SPTLC3: variants seen among roughly 807,000 people sequenced by gnomAD.
SPTLC3 encodes serine palmitoyltransferase 3.
In SPTLC3, 36 loss-of-function variants were observed where a neutral mutation model predicts 59.3. The ratio of observed to expected loss-of-function variants is 0.61; its 90% CI spans 0.47 to 0.80. The LOEUF is 0.80. Ranked by LOEUF, SPTLC3 falls within the 30% of genes least tolerant of loss-of-function variation. The pLI, the probability that SPTLC3 is intolerant of heterozygous loss-of-function variation, is 0.00. For synonymous variants in SPTLC3, 257 were observed against 240.8 expected (o/e 1.07, Z -0.62); for missense variants, 625 against 685.1 (o/e 0.91, Z 0.98).
intron 9 of SPTLC3, among the ~76,000 whole-genome samples, chr20:13,145,064 C>T (rs896824268): frequency 6.6e-6 from 1 of 151,962 alleles, no homozygotes; most frequent in South Asian, 2.1e-4. Flanking sequence ...TGTGAGCCAC[C>T]GCACCTGGCC....
chr20:13,137,927 C>T (rs1250408294), intron 9 of SPTLC3, among the ~76,000 whole-genome samples: 1 of 152,182 alleles, frequency 6.6e-6, no homozygotes, highest in Non-Finnish European at 1.5e-5. Context: ...TCAAGCTCAT[C>T]TCCCAGAACA....
At chr20:13,036,153 T>TA (rs58736684) in intron 1 of SPTLC3, among the ~76,000 whole-genome samples, 6 of 151,588 alleles carry the variant, frequency 4.0e-5, no homozygotes, top group East Asian at 3.9e-4. Flanking sequence ...GGTGATGATT[T>TA]AAAAAAAAAT....
At chr20:13,043,960 C>T (rs964333690) in intron 1 of SPTLC3, among the ~76,000 whole-genome samples, 2 of 152,026 alleles carry the variant, frequency 1.3e-5, no homozygotes, top group African/African-American at 4.8e-5. Flanking sequence ...TCTTGTTGAA[C>T]TTCTATATCT....
intron 9 of SPTLC3, among the ~76,000 whole-genome samples, chr20:13,138,006 G>A (rs1356311312): frequency 6.6e-6 from 1 of 152,170 alleles, no homozygotes; most frequent in Non-Finnish European, 1.5e-5. Context: ...AGGCTGGAGT[G>A]ACCCTTCTAG....
intron 10 of SPTLC3, among the ~76,000 whole-genome samples, chr20:13,155,820 C>T (rs574678897): frequency 9.2e-5 from 14 of 152,128 alleles, no homozygotes; most frequent in East Asian, 5.8e-4. Context: ...AGCAAGACTC[C>T]GTCTAAAAAA....
At chr20:13,151,299 A>G (rs760734275) in intron 9 of SPTLC3, among the ~76,000 whole-genome samples, 2 of 152,148 alleles carry the variant, frequency 1.3e-5, no homozygotes, top group Non-Finnish European at 2.9e-5. Context: ...TGGTTTGTTT[A>G]ATTTATATTT....
intron 9 of SPTLC3, among the ~76,000 whole-genome samples, chr20:13,137,781 C>A (rs560824980): frequency 6.6e-6 from 1 of 152,302 alleles, no homozygotes; most frequent in African/African-American, 2.4e-5. Context: ...GCAATCCAGG[C>A]CTTCCGTGAT....
intron 6 of SPTLC3, among the ~76,000 whole-genome samples, chr20:13,102,497 G>A (rs1318040484): frequency 2.0e-5 from 3 of 152,164 alleles, no homozygotes; most frequent in Non-Finnish European, 2.9e-5. Flanking sequence ...CAGAGTCTCC[G>A]TTTTTAAGCA....
intron 9 of SPTLC3, among the ~76,000 whole-genome samples, chr20:13,136,632 A>C (rs952237688): frequency 3.4e-5 from 5 of 146,660 alleles, no homozygotes; most frequent in African/African-American, 1.2e-4. Context: ...ATACATATAA[A>C]AATTATATAC....
intron 9 of SPTLC3, among the ~76,000 whole-genome samples, chr20:13,146,811 G>A (rs974590452): frequency 6.6e-6 from 1 of 152,130 alleles, no homozygotes; most frequent in Non-Finnish European, 1.5e-5. Context: ...GTGAATGATG[G>A]AATTCACGCC....
At chr20:13,144,520 C>T (rs1022672272) in intron 9 of SPTLC3, among the ~76,000 whole-genome samples, 1 of 152,150 alleles carries the variant, frequency 6.6e-6, no homozygotes. Context: ...GCAGATAGAA[C>T]CTAACGCACA....
At chr20:13,079,727 G>C in intron 4 of SPTLC3, 2 of 470,302 alleles carry the variant, frequency 4.3e-6, no homozygotes, top group Non-Finnish European at 8.8e-6. Flanking sequence ...TACAACCTGT[G>C]TTGGCCTCCC....
rs2039019257 is a variant in SPTLC3, at chr20:13,169,051, A to T, written c.*4184A>T. The T allele has an allele frequency of 6.6e-6, 1 of 152,054 alleles. No individual in the cohort carries two copies. 9.4% of individuals were successfully genotyped at this position (152,054 alleles called of 1,614,324 possible). A position where few individuals can be genotyped will look rare whatever the true frequency, so the allele number is the denominator to read the frequency against. On this transcript the variant is annotated 3_prime_UTR_variant, in exon 12 of 12. Coordinates refer to ENST00000399002, the MANE Select transcript of SPTLC3 (RefSeq NM_018327.4). ...CATTTGAAACGACCAATTTCACTTTATTGTGCCTGTAAAATGTTAGTTTTA... is the reference window on the plus strand; with the variant it reads ...CATTTGAAACGACCAATTTCACTTTTTTGTGCCTGTAAAATGTTAGTTTTA...
chr20:13,011,138 C>T (rs4813103), intron 1 of SPTLC3, among the ~76,000 whole-genome samples: 62,608 of 151,872 alleles, frequency 0.41, 14,311 homozygotes, highest in Middle Eastern at 0.59. Context: ...GAAAAACAAA[C>T]GAACAAAAAA....
At chr20:13,090,712 A>G (rs1989182039) in intron 4 of SPTLC3, among the ~76,000 whole-genome samples, 1 of 152,186 alleles carries the variant, frequency 6.6e-6, no homozygotes, top group South Asian at 2.1e-4. Context: ...GACTTCTAAC[A>G]CTGCAGATCT....
rs549912485 is a variant in SPTLC3, at chr20:13,057,185, C to T, written c.303+8055C>T. The stretch of plus-strand genomic sequence containing the variant: ...TCCAGTGACACTTCATTCTTTTCAG[C>T]AGAAATGAGCATTATTCTATTCTAA... On this transcript the variant is annotated intron_variant, in intron 2 of 11. Coordinates refer to ENST00000399002, the MANE Select transcript of SPTLC3 (RefSeq NM_018327.4). 2.6e-5 allele frequency among the ~76,000 whole-genome samples: 4 copies of T among 152,252 alleles called. No homozygotes were observed. In the East Asian group the frequency reaches 7.7e-4, roughly 29 times the overall value.
chr20:13,068,952 A>G (rs1244315571), intron 2 of SPTLC3, among the ~76,000 whole-genome samples: 1 of 152,110 alleles, frequency 6.6e-6, no homozygotes, highest in East Asian at 1.9e-4. Context: ...CCATTTCTAC[A>G]TAGGTACAAA....
chr20:13,080,112 T>C (rs943913076), intron 4 of SPTLC3, among the ~76,000 whole-genome samples: 1 of 152,130 alleles, frequency 6.6e-6, no homozygotes, highest in South Asian at 2.1e-4. Context: ...CCAATATATA[T>C]GACAACATGT....
Position 13,163,814 on chromosome 20 carries a change from A to C in SPTLC3, c.1546-940A>C, listed in dbSNP as rs575316544. On this transcript the variant is annotated intron_variant, in intron 11 of 11. Transcript: ENST00000399002. ...AATATTATCTTCCTCCTCATTTGGC[A>C]GGTTAAGAAAAACAGGCTCAGAAAG... Among the ~76,000 whole-genome samples the C allele has an allele frequency of 2.6e-5, 4 of 152,320 alleles. No individual in the cohort carries two copies. The South Asian group carries it at 8.3e-4, about 32-fold the overall frequency.
Sources: allele counts gnomAD v4.1 joint callset (sites outside exome capture counted in the v4.1 genomes callset), GRCh38; gene constraint gnomAD v4.1.1; transcripts MANE v1.5; gene names NCBI Gene and HGNC (gene_info 2026-07-23, HGNC 2026-07-21).